The following NEK1 variants were observed in gnomAD, a reference collection of about 807,000 sequenced individuals.
NEK1 encodes the protein NIMA related kinase 1.
NEK1 carries 137 observed loss-of-function variants against 182.1 expected under a neutral mutation model. The ratio of observed to expected loss-of-function variants is 0.75; its 90% CI spans 0.65 to 0.87. The LOEUF is 0.87. Among genes scored for constraint, NEK1 ranks in the 40% least tolerant of loss-of-function variants. NEK1 has a pLI of 0.00. For synonymous variants in NEK1, 513 were observed against 492.2 expected (o/e 1.04, Z -0.56); for missense variants, 1,391 against 1,494.4 (o/e 0.93, Z 1.14).
intron 23 of NEK1, among the ~76,000 whole-genome samples, chr4:169,503,861 T>C (rs1256058387): frequency 1.3e-5 from 2 of 151,834 alleles, no homozygotes; most frequent in African/African-American, 4.8e-5. Flanking sequence ...TAAGTAAAAA[T>C]GGACAAATGG....
At chr4:169,446,145 GTAGGATGAC>G (rs1740517062) in intron 27 of NEK1, among the ~76,000 whole-genome samples, 1 of 151,770 alleles carries the variant, frequency 6.6e-6, no homozygotes, top group Non-Finnish European at 1.5e-5. Flanking sequence ...AAATAGTACA[GTAGGATGAC>G]TACAGTTAAT....
At chr4:169,464,115 T>C (rs1447757101) in intron 26 of NEK1, among the ~76,000 whole-genome samples, 1 of 152,186 alleles carries the variant, frequency 6.6e-6, no homozygotes, top group Non-Finnish European at 1.5e-5. Context: ...CATTCCTGAC[T>C]GTGAGTTTAT....
intron 19 of NEK1, among the ~76,000 whole-genome samples, chr4:169,531,659 T>A (rs1221320731): frequency 6.6e-6 from 1 of 152,106 alleles, no homozygotes; most frequent in Non-Finnish European, 1.5e-5. Context: ...GAAACAGACA[T>A]TATTAATCAT....
intron 12 of NEK1, among the ~76,000 whole-genome samples, chr4:169,573,402 T>C (rs1424229831): frequency 6.6e-6 from 1 of 152,238 alleles, no homozygotes; most frequent in African/African-American, 2.4e-5. Context: ...GGTGCTAATT[T>C]GATATTGTTG....
intron 18 of NEK1, among the ~76,000 whole-genome samples, chr4:169,542,767 T>G (rs1194045489): frequency 6.6e-6 from 1 of 152,202 alleles, no homozygotes. Flanking sequence ...GCTTTTTTTT[T>G]TTCATGTTTG....
intron 31 of NEK1, among the ~76,000 whole-genome samples, chr4:169,416,582 T>C (rs947598147): frequency 1.3e-5 from 2 of 152,204 alleles, no homozygotes; most frequent in Admixed American, 6.5e-5. Context: ...AATGTCTAGA[T>C]GTTATCAGAG....
intron 29 of NEK1, among the ~76,000 whole-genome samples, chr4:169,429,173 G>A (rs1269069821): frequency 3.3e-5 from 5 of 152,112 alleles, no homozygotes; most frequent in South Asian, 2.1e-4. Context: ...TTTGGTATAC[G>A]AAGGATACTG....
At chr4:169,460,816 AAAGT>A (rs1743826415) in intron 27 of NEK1, among the ~76,000 whole-genome samples, 1 of 152,168 alleles carries the variant, frequency 6.6e-6, no homozygotes, top group African/African-American at 2.4e-5. Flanking sequence ...CAAGGAAAAA[AAAGT>A]AAGCCAAGGA....
At chr4:169,537,935 C>G (rs1377972134) in intron 18 of NEK1, 24 bp from the exon 19 acceptor site, 1 of 1,509,042 alleles carries the variant, frequency 6.6e-7, no homozygotes, top group Non-Finnish European at 9.1e-7. Context: ...ATCACAAAGT[C>G]AGCCATCCTG....
At chr4:169,473,116 AT>A (rs761957365) in intron 26 of NEK1, among the ~76,000 whole-genome samples, 1 of 137,442 alleles carries the variant, frequency 7.3e-6, no homozygotes, top group African/African-American at 2.8e-5. Context: ...AAAAAAAAAA[AT>A]TAGCCGGGCA....
intron 16 of NEK1, among the ~76,000 whole-genome samples, chr4:169,556,876 G>A (rs939668434): frequency 6.6e-6 from 1 of 152,068 alleles, no homozygotes; most frequent in Non-Finnish European, 1.5e-5. Context: ...AATAATCAAT[G>A]TATGTATATA....
At chr4:169,496,872 T>G (rs1342898800) in intron 23 of NEK1, among the ~76,000 whole-genome samples, 2 of 152,288 alleles carry the variant, frequency 1.3e-5, no homozygotes, top group East Asian at 1.9e-4. Flanking sequence ...TCTCTTTTTT[T>G]GTTGTGTCTC....
intron 26 of NEK1, among the ~76,000 whole-genome samples, chr4:169,464,882 G>A (rs1175518754): frequency 6.6e-6 from 1 of 151,298 alleles, no homozygotes; most frequent in African/African-American, 2.4e-5. Flanking sequence ...AATAATTTGG[G>A]GTAAACCATT....
At chr4:169,534,159 G>T (rs568254269) in intron 19 of NEK1, among the ~76,000 whole-genome samples, 5 of 151,944 alleles carry the variant, frequency 3.3e-5, no homozygotes, top group African/African-American at 1.2e-4. Context: ...AGGCTCATTT[G>T]CATCCATAAT....
intron 32 of NEK1, 145 bp from the exon 33 acceptor site, chr4:169,402,005 T>A: frequency 1.7e-6 from 1 of 601,816 alleles, no homozygotes; most frequent in Non-Finnish European, 2.7e-6. Flanking sequence ...TAACAAAAAA[T>A]CTGGAAAAAG....
intron 31 of NEK1, among the ~76,000 whole-genome samples, chr4:169,409,529 G>A (rs1030005462): frequency 1.6e-4 from 24 of 152,176 alleles, no homozygotes; most frequent in African/African-American, 5.8e-4. Flanking sequence ...AGCACTTTGG[G>A]AGGCCGAGGC....
intron 18 of NEK1, among the ~76,000 whole-genome samples, chr4:169,539,803 C>T (rs1039665186): frequency 6.6e-6 from 1 of 152,070 alleles, no homozygotes; most frequent in African/African-American, 2.4e-5. Context: ...GATAGGTGAT[C>T]TCTCTGCTGT....
chr4:169,428,021 T>C (rs1289263533), intron 29 of NEK1, among the ~76,000 whole-genome samples: 18 of 150,170 alleles, frequency 1.2e-4, no homozygotes, highest in Non-Finnish European at 2.4e-4. Context: ...GGGGTCTTGC[T>C]ATGTTGCCCA....
intron 18 of NEK1, among the ~76,000 whole-genome samples, chr4:169,552,705 C>A (rs1761606987): frequency 6.6e-6 from 1 of 152,024 alleles, no homozygotes. Flanking sequence ...AAAGAAACAC[C>A]AAAACCCCTC....
Sources: gnomAD v4.1 joint callset for allele counts (sites outside exome capture counted in the v4.1 genomes callset) on GRCh38, gnomAD v4.1.1 for gene constraint, MANE v1.5 for transcripts, NCBI Gene and HGNC (gene_info 2026-07-23, HGNC 2026-07-21) for gene names.